The following ELAVL2 variants were observed in gnomAD, a reference collection of about 807,000 sequenced individuals.
The protein encoded by ELAVL2 is ELAV-like protein 2.
In ELAVL2, 4 loss-of-function variants were observed where a neutral mutation model predicts 34.6. The observed-to-expected ratio is 0.12, with a 90% CI of 0.06 to 0.26. The LOEUF (loss-of-function observed/expected upper bound fraction) is 0.26. Among genes scored for constraint, ELAVL2 ranks in the 10% least tolerant of loss-of-function variants. The pLI, the probability that ELAVL2 is intolerant of heterozygous loss-of-function variation, is 1.00. For synonymous variants in ELAVL2, 193 were observed against 154.8 expected (o/e 1.25, Z -1.83); for missense variants, 432 against 442.8 (o/e 0.98, Z 0.22).
intron 3 of ELAVL2, among the ~76,000 whole-genome samples, chr9:23,729,296 C>G (rs1464367371): frequency 1.3e-5 from 2 of 152,150 alleles, no homozygotes; most frequent in Non-Finnish European, 2.9e-5. Flanking sequence ...AACTACAACT[C>G]AGGACCTCAG....
intron 3 of ELAVL2, among the ~76,000 whole-genome samples, chr9:23,706,143 A>G (rs546978040): frequency 1.3e-5 from 2 of 152,308 alleles, no homozygotes; most frequent in South Asian, 4.1e-4. Context: ...TTAAGTCCCT[A>G]TAATTAACTT....
chr9:23,757,323 A>G (rs186361202), intron 2 of ELAVL2, among the ~76,000 whole-genome samples: 19 of 152,230 alleles, frequency 1.2e-4, no homozygotes, highest in Admixed American at 1.0e-3. Flanking sequence ...TTAAAGAGTG[A>G]GCTCTTGCCT....
chr9:23,781,147 T>C (rs1469759689), intron 1 of ELAVL2, among the ~76,000 whole-genome samples: 3 of 152,190 alleles, frequency 2.0e-5, no homozygotes, highest in Non-Finnish European at 4.4e-5. Flanking sequence ...AAATAAGTTA[T>C]AACAAATTAC....
At chr9:23,761,575 T>C (rs895739146) in intron 2 of ELAVL2, among the ~76,000 whole-genome samples, 1 of 152,058 alleles carries the variant, frequency 6.6e-6, no homozygotes, top group Non-Finnish European at 1.5e-5. Flanking sequence ...TTACCATTTA[T>C]TTTATCATAT....
chr9:23,776,927 T>C (rs1177350057), intron 1 of ELAVL2, among the ~76,000 whole-genome samples: 1 of 152,076 alleles, frequency 6.6e-6, no homozygotes, highest in African/African-American at 2.4e-5. Flanking sequence ...AGTGGACTTC[T>C]GCCTCACTAA....
At chr9:23,734,693 A>C (rs1013783380) in intron 2 of ELAVL2, among the ~76,000 whole-genome samples, 2 of 152,212 alleles carry the variant, frequency 1.3e-5, no homozygotes, top group African/African-American at 2.4e-5. Flanking sequence ...GTTTTACTAT[A>C]TATGAATTTC....
At chr9:23,846,455 A>G in the ELAVL2 span, among the ~76,000 whole-genome samples, 1 of 152,060 alleles carries the variant, frequency 6.6e-6, no homozygotes, top group Non-Finnish European at 1.5e-5. Context: ...AGTCTTGAAA[A>G]TGAAAAATTA....
In ELAVL2 at chr9:23,755,347, C is replaced by G. The variant is rs1265446636; in HGVS notation, c.229+6659G>C. ...ATCAAGGCTGACACTGAAAATTGTTCTATAAAAATACCCAGGTTCAAGTAA... is the reference window on the plus strand; with the variant it reads ...ATCAAGGCTGACACTGAAAATTGTTGTATAAAAATACCCAGGTTCAAGTAA... On this transcript the variant is annotated intron_variant, in intron 2 of 6. Transcript: ENST00000397312. 2.0e-5 allele frequency among the ~76,000 whole-genome samples: 3 copies of G among 152,196 alleles called. No homozygotes were observed. In the East Asian group the frequency reaches 5.8e-4, roughly 29 times the overall value.
At chr9:23,727,659 G>A (rs909625492) in intron 3 of ELAVL2, among the ~76,000 whole-genome samples, 1 of 152,006 alleles carries the variant, frequency 6.6e-6, no homozygotes, top group African/African-American at 2.4e-5. Flanking sequence ...GATCTACAGT[G>A]GATCCCAGAA....
chr9:23,707,916 A>G (rs985681902), intron 3 of ELAVL2, among the ~76,000 whole-genome samples: 3 of 152,296 alleles, frequency 2.0e-5, no homozygotes, highest in African/African-American at 7.2e-5. Flanking sequence ...AGTGACATTC[A>G]CTGCTTTGTG....
At chr9:23,727,155 G>C (rs2045416093) in intron 3 of ELAVL2, among the ~76,000 whole-genome samples, 1 of 152,052 alleles carries the variant, frequency 6.6e-6, no homozygotes, top group Non-Finnish European at 1.5e-5. Flanking sequence ...CAAAATAGCT[G>C]CCTCCCATGC....
intron 5 of ELAVL2, among the ~76,000 whole-genome samples, chr9:23,695,491 G>C (rs2034836550): frequency 6.6e-6 from 1 of 152,146 alleles, no homozygotes; most frequent in Non-Finnish European, 1.5e-5. Flanking sequence ...TGCCCCTGAA[G>C]TGAATTACCG....
intron 1 of ELAVL2, chr9:23,779,139 G>A (rs996211590): frequency 2.3e-5 from 22 of 953,404 alleles, no homozygotes; most frequent in Non-Finnish European, 2.7e-5. Flanking sequence ...CCAGGTTAAC[G>A]CTCTAAAAAC....
At chr9:23,696,147 C>G (rs2035109745) in intron 5 of ELAVL2, among the ~76,000 whole-genome samples, 1 of 152,138 alleles carries the variant, frequency 6.6e-6, no homozygotes, top group African/African-American at 2.4e-5. Context: ...TCTCCTCCAT[C>G]ACCAACGAGT....
intron 1 of ELAVL2, among the ~76,000 whole-genome samples, chr9:23,801,764 T>C (rs1187990120): frequency 6.6e-6 from 1 of 152,166 alleles, no homozygotes; most frequent in Non-Finnish European, 1.5e-5. Flanking sequence ...TCTATTACAA[T>C]ATTAAATGTG....
intron 4 of ELAVL2, among the ~76,000 whole-genome samples, chr9:23,701,918 G>A (rs576305396): frequency 1.3e-4 from 19 of 151,950 alleles, no homozygotes; most frequent in East Asian, 1.9e-4. Flanking sequence ...CCTCCCTCCC[G>A]TACACTCTTT....
chr9:23,703,820 T>C (rs945174028), intron 4 of ELAVL2, among the ~76,000 whole-genome samples: 5 of 152,202 alleles, frequency 3.3e-5, no homozygotes, highest in Admixed American at 3.3e-4. Flanking sequence ...CTCACAAATC[T>C]TCATGTGGCT....
chr9:23,716,485 A>G (rs976206317), intron 3 of ELAVL2, among the ~76,000 whole-genome samples: 2 of 152,192 alleles, frequency 1.3e-5, no homozygotes, highest in Non-Finnish European at 2.9e-5. Flanking sequence ...AAAACAAAAC[A>G]AAACGAAAAA....
chr9:23,806,364 G>T (rs78645909), intron 1 of ELAVL2, among the ~76,000 whole-genome samples: 3 of 152,072 alleles, frequency 2.0e-5, no homozygotes, highest in Non-Finnish European at 4.4e-5. Context: ...AGCCAGGTGA[G>T]GTGGCTCAGG....
Sources: allele counts gnomAD v4.1 joint callset (sites outside exome capture counted in the v4.1 genomes callset), GRCh38; gene constraint gnomAD v4.1.1; transcripts MANE v1.5; gene names NCBI Gene and HGNC (gene_info 2026-07-23, HGNC 2026-07-21).